The following EML1 variants were observed in gnomAD, a reference collection of about 807,000 sequenced individuals.
EML1 encodes the protein echinoderm microtubule-associated protein-like 1.
EML1 carries 27 observed loss-of-function variants against 110.4 expected under a neutral mutation model. The observed-to-expected ratio is 0.24, with a 90% CI of 0.18 to 0.34. EML1 has a LOEUF of 0.34. Ranked by LOEUF, EML1 falls within the 10% of genes least tolerant of loss-of-function variation. EML1 has a pLI of 1.00. For missense variants in EML1, 741 were observed against 1,030.9 expected (o/e 0.72, Z 3.85); for synonymous variants, 344 against 385.8 (o/e 0.89, Z 1.27).
rs80079193 is a variant in EML1, at chr14:99,937,920, T to G, written c.2191+8T>G. The G allele has an allele frequency of 1.1e-3, 1,696 of 1,612,626 alleles. 16 individuals are homozygous for G. The African/African-American group carries it at 0.02, about 19-fold the overall frequency. ...TGGGATTCCATGTTTTTGGTAAGTTTGCTGCAGATTTCACTGGTTCCAACA... is the reference window on the plus strand; with the variant it reads ...TGGGATTCCATGTTTTTGGTAAGTTGGCTGCAGATTTCACTGGTTCCAACA... On this transcript the variant is annotated splice_region_variant and intron_variant, in intron 20 of 21. Transcript: ENST00000262233.
intron 5 of EML1, 160 bp from the exon 6 acceptor site, chr14:99,894,469 C>A: frequency 1.1e-6 from 1 of 912,180 alleles, no homozygotes; most frequent in Non-Finnish European, 1.5e-6. Context: ...TTGTTTCAAA[C>A]TGTTTATTTT....
At chr14:99,779,385 A>AACTT (rs2057515796) in intron 1 of EML1, among the ~76,000 whole-genome samples, 2 of 152,356 alleles carry the variant, frequency 1.3e-5, no homozygotes, top group South Asian at 4.1e-4. Context: ...ACTTTGACCT[A>AACTT]TGAGGATATA....
intron 1 of EML1, among the ~76,000 whole-genome samples, chr14:99,840,050 A>G (rs533518244): frequency 3.9e-5 from 6 of 152,328 alleles, no homozygotes; most frequent in South Asian, 2.1e-4. Context: ...TTCTTTTGCT[A>G]TTGGATACTA....
At chr14:99,752,904 G>GT in intron 1 of EML1, among the ~76,000 whole-genome samples, 1 of 152,230 alleles carries the variant, frequency 6.6e-6, no homozygotes, top group Non-Finnish European at 1.5e-5. Flanking sequence ...ACGCTACACT[G>GT]TATGAATCAG....
chr14:99,897,044 G>A (rs922601466), intron 6 of EML1, 101 bp from the exon 7 acceptor site: 12 of 1,077,008 alleles, frequency 1.1e-5, no homozygotes, highest in Non-Finnish European at 7.6e-6. Flanking sequence ...GATGCTGATG[G>A]TAATAGTTAT....
intron 1 of EML1, among the ~76,000 whole-genome samples, chr14:99,763,067 G>C (rs951346098): frequency 6.6e-6 from 1 of 152,078 alleles, no homozygotes. Context: ...ATCATAGTAA[G>C]TATCACGAGA....
At chr14:99,875,312 T>C (rs925942716) in intron 3 of EML1, among the ~76,000 whole-genome samples, 3 of 152,148 alleles carry the variant, frequency 2.0e-5, no homozygotes, top group African/African-American at 7.2e-5. Context: ...GTTCTTCATC[T>C]GTAAAATGAG....
chr14:99,743,016 C>T (rs1016750908), intron 1 of EML1, among the ~76,000 whole-genome samples: 2 of 152,146 alleles, frequency 1.3e-5, no homozygotes, highest in Admixed American at 6.5e-5. Flanking sequence ...GGCTGGGCAC[C>T]GGGTGGGGAC....
At chr14:99,752,326 A>C (rs1328126208) in intron 1 of EML1, among the ~76,000 whole-genome samples, 1 of 152,180 alleles carries the variant, frequency 6.6e-6, no homozygotes, top group Non-Finnish European at 1.5e-5. Flanking sequence ...TCCTACACAC[A>C]TAAACACACT....
chr14:99,839,295 T>C (rs568874259), intron 1 of EML1, among the ~76,000 whole-genome samples: 1 of 152,272 alleles, frequency 6.6e-6, no homozygotes, highest in Non-Finnish European at 1.5e-5. Context: ...CATATAACAG[T>C]TGGGGCAGGG....
upstream of EML1, among the ~76,000 whole-genome samples, chr14:99,769,324 A>G (rs1356292879): frequency 1.3e-5 from 2 of 152,166 alleles, no homozygotes; most frequent in Non-Finnish European, 2.9e-5. Flanking sequence ...CACTGTTCCA[A>G]GGATCATTTT....
rs2060465672 is a variant in EML1, at chr14:99,936,113, T to C, written c.1994T>C (p.Val665Ala). 1 of 1,613,978 alleles carries C rather than the reference T, an allele frequency of 6.2e-7. No individual in the cohort carries two copies. The highest frequency in any genetic ancestry group is 8.5e-7 in the Non-Finnish European group (1 of 1,180,038). ...GACAACGGGAGGAAGTACACGCGAG[T>C]GGGCAAGTGCTCGGTAAGCGCTGAC... The part of the protein sequence containing the change: ...VSDNGRKYTR[V>A]GKCSGHSSFI... The change falls in exon 18 of 22, where the codon GTG (valine) becomes GCG (alanine). Residue 665 changes from valine (V) to alanine (A), a missense_variant. Around this residue, in one of 4 missense-constraint regions of EML1, gnomAD observed 388 missense variants for 605.6 expected, o/e 0.64. Coordinates refer to ENST00000262233, the MANE Select transcript of EML1 (RefSeq NM_004434.3). The surrounding 1 kb of genome is among the most constrained non-coding windows in gnomAD (Gnocchi z 5.5).
intron 1 of EML1, among the ~76,000 whole-genome samples, chr14:99,795,130 G>A (rs2057746165): frequency 6.6e-6 from 1 of 152,174 alleles, no homozygotes; most frequent in Non-Finnish European, 1.5e-5. Flanking sequence ...AGCTTGATTT[G>A]CGATATGAAA....
chr14:99,837,680 T>G (rs538099056), intron 1 of EML1, among the ~76,000 whole-genome samples: 1 of 152,380 alleles, frequency 6.6e-6, no homozygotes, highest in East Asian at 1.9e-4. Flanking sequence ...ACATATCTAT[T>G]GTTTTGTCCT....
intron 1 of EML1, among the ~76,000 whole-genome samples, chr14:99,828,193 T>C (rs543498510): frequency 2.7e-4 from 41 of 152,348 alleles, no homozygotes; most frequent in African/African-American, 8.9e-4. Flanking sequence ...TTATTCAGTT[T>C]TGCTTTCTGC....
intron 1 of EML1, among the ~76,000 whole-genome samples, chr14:99,759,449 G>A (rs1248139280): frequency 1.3e-5 from 2 of 152,248 alleles, no homozygotes. Flanking sequence ...CCAGCCTGGA[G>A]GGCAGCCCCG....
At position 99,760,005 on chromosome 14, in the gene EML1, G is replaced by A. The variant is rs1371967701; in HGVS notation, c.28+22145G>A. Among the ~76,000 whole-genome samples, 4 of 148,584 alleles carry A rather than the reference G, an allele frequency of 2.7e-5. No individual in the cohort carries two copies. The East Asian group carries it at 6.1e-4, about 23-fold the overall frequency. Reference sequence around the variant, plus strand: ...GCCTGTAATCCCAGCTACTCAGGAGGCTGAGGCAGGAGAATCGCTTGAACC... The same window carrying A: ...GCCTGTAATCCCAGCTACTCAGGAGACTGAGGCAGGAGAATCGCTTGAACC... On this transcript the variant is annotated intron_variant, in intron 1 of 10. Coordinates refer to the EML1 transcript ENST00000554479.
intron 1 of EML1, among the ~76,000 whole-genome samples, chr14:99,815,433 G>A (rs1373170127): frequency 1.3e-5 from 2 of 152,106 alleles, no homozygotes; most frequent in African/African-American, 2.4e-5. Context: ...GAGCCACTGC[G>A]CCCTGCTGAG....
At chr14:99,897,853 A>G (rs902274762) in intron 7 of EML1, among the ~76,000 whole-genome samples, 1 of 152,138 alleles carries the variant, frequency 6.6e-6, no homozygotes, top group Non-Finnish European at 1.5e-5. Context: ...ATATATTTGT[A>G]TTTGTCCTGG....
Sources: allele counts gnomAD v4.1 joint callset (sites outside exome capture counted in the v4.1 genomes callset), GRCh38; gene constraint gnomAD v4.1.1; regional missense constraint gnomAD v4.1.1; non-coding constraint Gnocchi (gnomAD v3.1); transcripts MANE v1.5; gene names NCBI Gene and HGNC (gene_info 2026-07-23, HGNC 2026-07-21).